The following SPG11 variants were observed in gnomAD, a reference collection of about 807,000 sequenced individuals.
SPG11 encodes spatacsin.
In SPG11, 222 loss-of-function variants were observed where a neutral mutation model predicts 274.0. The ratio of observed to expected loss-of-function variants is 0.81; its 90% confidence interval spans 0.73 to 0.91. The LOEUF is 0.91. SPG11 is among the 40% of genes least tolerant of loss of function. The probability of loss-of-function intolerance (pLI) is 0.00; values close to 1 mark genes in which losing one functional copy is unlikely to be tolerated. For missense variants in SPG11, 3,114 were observed against 2,872.7 expected, an observed-to-expected ratio of 1.08 and a Z score of -1.92; for synonymous variants, 1,144 against 1,039.7, an observed-to-expected ratio of 1.10 and a Z score of -1.93.
intron 24 of SPG11, 93 bp downstream of exon 24, chr15:44,596,677 AAAAAAAAAAAAAAG>A: frequency 1.4e-6 from 1 of 722,182 alleles, no homozygotes; most frequent in Non-Finnish European, 2.1e-6. Flanking sequence ...AAAAAAAAAA[AAAAAAAAAAAAAAG>A]GCCTATGTCA....
intron 6 of SPG11, 86 bp from the exon 7 acceptor site, chr15:44,649,097 CT>C: frequency 1.1e-6 from 1 of 952,206 alleles, no homozygotes; most frequent in South Asian, 1.4e-5. Flanking sequence ...TTACTCAATA[CT>C]TCAGTACTAT....
At chr15:44,578,018 C>CTT (rs2082577929) in intron 30 of SPG11, among the ~76,000 whole-genome samples, 1 of 143,054 alleles carries the variant, frequency 7.0e-6, no homozygotes, top group Non-Finnish European at 1.5e-5. Flanking sequence ...AGCCTTCTTT[C>CTT]CTTTTTTTTT....
At chr15:44,650,848 AG>A (rs904000694) in intron 6 of SPG11, among the ~76,000 whole-genome samples, 10 of 152,140 alleles carry the variant, frequency 6.6e-5, no homozygotes, top group African/African-American at 2.4e-4. Flanking sequence ...CCCAGGTTCA[AG>A]CAATTCTCCT....
At chr15:44,630,739 A>G (rs1460493597) in intron 8 of SPG11, among the ~76,000 whole-genome samples, 1 of 151,876 alleles carries the variant, frequency 6.6e-6, no homozygotes, top group Non-Finnish European at 1.5e-5. Context: ...ACCACCACAC[A>G]TGGCTAATTT....
At chr15:44,608,629 G>A (rs1247912872) in intron 18 of SPG11, 24 bp from the exon 19 acceptor site, 1 of 1,610,740 alleles carries the variant, frequency 6.2e-7, no homozygotes, top group South Asian at 1.1e-5. Context: ...CAGATAACAG[G>A]TTGGACAGTA....
intron 7 of SPG11, among the ~76,000 whole-genome samples, chr15:44,638,254 G>A (rs905474595): frequency 6.6e-6 from 1 of 152,106 alleles, no homozygotes; most frequent in Non-Finnish European, 1.5e-5. Context: ...TTGAGGTTGG[G>A]AGTTCAAGAG....
intron 4 of SPG11, 94 bp downstream of exon 4, chr15:44,657,000 AC>A: frequency 9.5e-7 from 1 of 1,051,164 alleles, no homozygotes; most frequent in Non-Finnish European, 1.4e-6. Flanking sequence ...AGAAAAAGAA[AC>A]ACTAGTTAAA....
chr15:44,648,772 G>A, intron 7 of SPG11, 94 bp downstream of exon 7: 1 of 1,412,276 alleles, frequency 7.1e-7, no homozygotes, highest in Non-Finnish European at 1.0e-6. Context: ...TCTTTTTGCT[G>A]CTAAATTAAA....
Position 44,659,128 on chromosome 15 carries a change from C to A in SPG11, c.618G>T (p.Thr206=). 1 of 1,614,208 alleles carries A rather than the reference C, an allele frequency of 6.2e-7. No individual in the cohort carries two copies. The highest frequency in any genetic ancestry group is 8.5e-7 in the Non-Finnish European group (1 of 1,180,044). The change falls in exon 3 of 40, where the codon ACG becomes ACT. Residue 206 remains threonine (T), a synonymous_variant. Transcript: ENST00000261866. ...PAQAVDMIID[T]QLCRGILFVL... is the part of the protein sequence containing the mutation. ...CAAAAAGAATTCCTCTGCAGAGCTGCGTGTCAATAATCATGTCCACTGCCT... is the reference window on the plus strand; with the variant it reads ...CAAAAAGAATTCCTCTGCAGAGCTGAGTGTCAATAATCATGTCCACTGCCT...
At chr15:44,591,339 ATTC>A (rs2082895416) in intron 27 of SPG11, among the ~76,000 whole-genome samples, 1 of 152,198 alleles carries the variant, frequency 6.6e-6, no homozygotes, top group Non-Finnish European at 1.5e-5. Flanking sequence ...TAATACTTCT[ATTC>A]TTTTTTAAAA....
At position 44,572,908 on chromosome 15, in the gene SPG11, T is replaced by C. The variant is rs144670825; in HGVS notation, c.6206-88A>G. The stretch of plus-strand genomic sequence containing the variant: ...CTTAGGCACCAGGAGGTAATGCTTA[T>C]GGAGCTCTGCAGCTCTCCGCTTGCT... On this transcript the variant is annotated intron_variant, in intron 32 of 39. Transcript: ENST00000261866. 1,083 of 1,381,246 alleles carry C rather than the reference T, an allele frequency of 7.8e-4. 11 individuals carry two copies. The African/African-American group carries it at 0.013, about 16-fold the overall frequency. The allele number at this position is 1,381,246 out of a possible 1,614,324, so 85.6% of individuals were successfully genotyped here.
chr15:44,593,922 T>A (rs966177267), intron 26 of SPG11, among the ~76,000 whole-genome samples: 7 of 150,130 alleles, frequency 4.7e-5, no homozygotes, highest in Non-Finnish European at 8.9e-5. Flanking sequence ...CCCGGCTTTT[T>A]TCTTTTCTTT....
intron 20 of SPG11, 62 bp downstream of exon 20, chr15:44,605,963 G>A: frequency 7.5e-7 from 1 of 1,332,802 alleles, no homozygotes; most frequent in Non-Finnish European, 1.1e-6. Context: ...GGCATTACAT[G>A]TATTAACTTC....
chr15:44,636,133 A>G (rs560799782), intron 7 of SPG11, among the ~76,000 whole-genome samples: 1 of 152,214 alleles, frequency 6.6e-6, no homozygotes, highest in Admixed American at 6.6e-5. Context: ...CCAATGGGCC[A>G]AAGTTCTGGG....
chr15:44,646,922 T>G (rs2084627994), intron 7 of SPG11, among the ~76,000 whole-genome samples: 1 of 152,108 alleles, frequency 6.6e-6, no homozygotes, highest in Admixed American at 6.6e-5. Flanking sequence ...CAAACCCCCA[T>G]GATATGCAAT....
Position 44,564,678 on chromosome 15 carries a change from G to C in SPG11, c.7020C>G (p.Ala2340=). The change falls in exon 39 of 40, where the codon GCC becomes GCG. Residue 2340 remains alanine (A), a synonymous_variant. Transcript: ENST00000261866. ...RFYQASIVAE[A]YDFVPDWAEI... is the part of the protein sequence containing the mutation. ...CAGCCCAATCTGGAACAAAATCGTA[G>C]GCCTCAGCCACAATAGAAGCCTTAA... 2 of 1,614,138 alleles carry C rather than the reference G, an allele frequency of 1.2e-6. No homozygotes were observed. The highest frequency in any genetic ancestry group is 1.7e-6 in the Non-Finnish European group (2 of 1,180,022).
At position 44,564,713 on chromosome 15, in the gene SPG11, TGAA is replaced by T. The variant is rs777704346; in HGVS notation, c.7000-18_7000-16del. 15 of 1,613,788 alleles carry T rather than the reference TGAA, an allele frequency of 9.3e-6. No individual in the cohort carries two copies. In the Admixed American group the frequency reaches 1.3e-4, roughly 14 times the overall value. ...ACAATAGAAGCCTTAAAAGGAGAGGTGAAGAAGGACACCATCAGAGCCCATCTG... is the reference window on the plus strand; with the variant it reads ...ACAATAGAAGCCTTAAAAGGAGAGGTGAAGGACACCATCAGAGCCCATCTG... On this transcript the variant is annotated splice_polypyrimidine_tract_variant and intron_variant, in intron 38 of 39. Coordinates refer to ENST00000261866, the MANE Select transcript of SPG11 (RefSeq NM_025137.4).
intron 28 of SPG11, among the ~76,000 whole-genome samples, chr15:44,589,002 G>A (rs570630419): frequency 2.0e-5 from 3 of 152,286 alleles, no homozygotes; most frequent in South Asian, 4.1e-4. Context: ...AGCCAGCCAG[G>A]AGGAAATGTG....
At chr15:44,581,732 T>C (rs2082662665) in intron 30 of SPG11, among the ~76,000 whole-genome samples, 1 of 152,008 alleles carries the variant, frequency 6.6e-6, no homozygotes. Context: ...TTTCAATGTA[T>C]GCAGAAGTAA....
Sources: gnomAD v4.1 joint callset for allele counts (sites outside exome capture counted in the v4.1 genomes callset) on GRCh38, gnomAD v4.1.1 for gene constraint, MANE v1.5 for transcripts, NCBI Gene and HGNC (gene_info 2026-07-23, HGNC 2026-07-21) for gene names.